CNTNAP3B: variants seen among roughly 807,000 people sequenced by gnomAD.
The protein encoded by CNTNAP3B is contactin-associated protein-like 3B.
A neutral mutation model predicts 108.9 loss-of-function variants in CNTNAP3B; 25 were observed. The observed-to-expected ratio is 0.23, with a 90% CI of 0.17 to 0.32. CNTNAP3B has a LOEUF of 0.32. Among genes scored for constraint, CNTNAP3B ranks in the 10% least tolerant of loss-of-function variants. The probability of loss-of-function intolerance (pLI) is 1.00; values close to 1 mark genes in which losing one functional copy is unlikely to be tolerated. For missense variants in CNTNAP3B, 252 were observed against 1,210.4 expected, an observed-to-expected ratio of 0.21 and a Z score of 11.75; for synonymous variants, 103 against 473.4, an observed-to-expected ratio of 0.22 and a Z score of 10.16.
At chr9:42,054,559 A>ACAG (rs1164359512) in intron 3 of CNTNAP3B, among the ~76,000 whole-genome samples, 5 of 151,726 alleles carry the variant, frequency 3.3e-5, no homozygotes, top group Non-Finnish European at 7.4e-5. Flanking sequence ...TATTTTAGAA[A>ACAG]CAGCACTCAG....
In CNTNAP3B at chr9:41,953,278, C is replaced by T. The variant is rs748638894; in HGVS notation, c.1985G>A (p.Gly662Asp). The change falls in exon 13 of 24, where the codon GGC becomes GAC. Residue 662 changes from glycine (G) to aspartate (D), a missense_variant. Coordinates refer to ENST00000377561, the MANE Select transcript of CNTNAP3B (RefSeq NM_001201380.3). Reference protein sequence around the residue: ...LSAVSFAYAAGAGQLRAAVNL... With the variant: ...LSAVSFAYAADAGQLRAAVNL... ...CACCGCGGCCCGCAGCTGCCCCGCG[C>T]CCGCTGCGTACGCGAAGGACACAGC... is the stretch of plus-strand genomic sequence containing the variant. 2 of 1,528,716 alleles carry T rather than the reference C, an allele frequency of 1.3e-6. No homozygotes were observed. The highest frequency in any genetic ancestry group is 1.7e-6 in the Non-Finnish European group (2 of 1,145,870). 94.7% of individuals were successfully genotyped at this position (1,528,716 alleles called of 1,614,324 possible). A position where few individuals can be genotyped will look rare whatever the true frequency, so the allele number is the denominator to read the frequency against.
chr9:42,119,756 A>G (rs976836751), intron 1 of CNTNAP3B, among the ~76,000 whole-genome samples: 8 of 140,590 alleles, frequency 5.7e-5, no homozygotes, highest in African/African-American at 2.2e-4. Flanking sequence ...TGGTGCTGGG[A>G]AAACTGGCTA....
chr9:41,932,873 T>C (rs1160299982), intron 14 of CNTNAP3B, among the ~76,000 whole-genome samples: 2 of 152,274 alleles, frequency 1.3e-5, no homozygotes, highest in South Asian at 2.1e-4. Context: ...ATCATTATGA[T>C]CCACATCTAA....
chr9:42,056,996 G>A (rs989056275), intron 3 of CNTNAP3B, among the ~76,000 whole-genome samples: 2 of 27,036 alleles, frequency 7.4e-5, no homozygotes, highest in Admixed American at 4.8e-4. Flanking sequence ...CTACTTTGAC[G>A]CAAGGAATAG....
intron 16 of CNTNAP3B, among the ~76,000 whole-genome samples, chr9:41,923,483 T>C (rs1433433744): frequency 6.6e-6 from 1 of 152,244 alleles, no homozygotes; most frequent in African/African-American, 2.4e-5. Context: ...GATTACTGGC[T>C]GGGTGTGGCA....
chr9:42,125,934 T>A (rs1215713266), intron 1 of CNTNAP3B, among the ~76,000 whole-genome samples: 2 of 132,642 alleles, frequency 1.5e-5, no homozygotes, highest in Non-Finnish European at 3.2e-5. Context: ...CCATTTTTTA[T>A]AGAGTACCAT....
intron 15 of CNTNAP3B, among the ~76,000 whole-genome samples, chr9:41,925,257 G>C (rs1246150160): frequency 6.7e-6 from 1 of 150,016 alleles, no homozygotes; most frequent in African/African-American, 2.5e-5. Flanking sequence ...TCTAAGCTCT[G>C]TCATTCCTTC....
At chr9:41,962,986 A>G (rs1347376146) in intron 11 of CNTNAP3B, among the ~76,000 whole-genome samples, 1 of 151,678 alleles carries the variant, frequency 6.6e-6, no homozygotes, top group African/African-American at 2.4e-5. Flanking sequence ...CAAAAAAAAG[A>G]AAATGTGTCA....
At position 41,991,148 on chromosome 9, in the gene CNTNAP3B, G is replaced by C. The variant is rs1389103424; in HGVS notation, c.1333+462C>G. ...CATCAACGAAAGAATAAGAACTCTT[G>C]GTATTTGCCGGGCATCTTTCCCTGT... On this transcript the variant is annotated intron_variant, in intron 8 of 23. Transcript: ENST00000377561. Among the ~76,000 whole-genome samples, 2 of 119,140 alleles carry C rather than the reference G, an allele frequency of 1.7e-5. 1 individual carries two copies. Among genetic ancestry groups the C allele is most frequent in the African/African-American group, 6.8e-5 (2 of 29,496 alleles). The allele number at this position is 119,140 out of a possible 152,430, so 78.2% of individuals were successfully genotyped here.
At chr9:42,112,436 C>T (rs1828212343) in intron 1 of CNTNAP3B, among the ~76,000 whole-genome samples, 1 of 138,904 alleles carries the variant, frequency 7.2e-6, no homozygotes, top group Non-Finnish European at 1.5e-5. Context: ...AACCTCACTC[C>T]TGAGAAAGGA....
At chr9:41,950,277 A>G (rs922067418) in intron 13 of CNTNAP3B, among the ~76,000 whole-genome samples, 3 of 79,926 alleles carry the variant, frequency 3.8e-5, no homozygotes, top group Admixed American at 2.9e-4. Flanking sequence ...AAATGAAATC[A>G]TACACTGTTG....
At chr9:41,969,680 C>T (rs1310595919) in intron 10 of CNTNAP3B, among the ~76,000 whole-genome samples, 2 of 151,688 alleles carry the variant, frequency 1.3e-5, no homozygotes, top group African/African-American at 2.4e-5. Context: ...TGCAGTGGCG[C>T]GATCTCTGCT....
chr9:41,969,737 C>G, intron 10 of CNTNAP3B, among the ~76,000 whole-genome samples: 1 of 146,364 alleles, frequency 6.8e-6, no homozygotes, highest in South Asian at 2.2e-4. Flanking sequence ...CCTGCCTCAG[C>G]CTCCCCAGTA....
chr9:41,964,111 T>A (rs1472553077), intron 11 of CNTNAP3B, among the ~76,000 whole-genome samples: 1 of 152,308 alleles, frequency 6.6e-6, no homozygotes, highest in Non-Finnish European at 1.5e-5. Flanking sequence ...TGTTAAAAAA[T>A]CTTTAAATAC....
At chr9:42,122,550 G>A (rs1587290033) in intron 1 of CNTNAP3B, among the ~76,000 whole-genome samples, 1 of 130,454 alleles carries the variant, frequency 7.7e-6, no homozygotes, top group African/African-American at 3.1e-5. Context: ...TATTTGAACA[G>A]CTATATAATA....
intron 12 of CNTNAP3B, among the ~76,000 whole-genome samples, chr9:41,959,124 G>A (rs1824971725): frequency 1.4e-5 from 2 of 145,464 alleles, no homozygotes; most frequent in Admixed American, 1.4e-4. Context: ...GGTTTGTTCT[G>A]TGACCTCACT....
At position 42,049,376 on chromosome 9, in the gene CNTNAP3B, A is replaced by G. The variant is rs1490838899; in HGVS notation, c.390+27493T>C. Among the ~76,000 whole-genome samples, 2 of 138,078 alleles carry G rather than the reference A, an allele frequency of 1.4e-5. 1 individual carries two copies. Among genetic ancestry groups the G allele is most frequent in the Non-Finnish European group, 3.1e-5 (2 of 64,642 alleles). The allele number at this position is 138,078 out of a possible 152,430, so 90.6% of individuals were successfully genotyped here. A position where few individuals can be genotyped will look rare whatever the true frequency, so the allele number is the denominator to read the frequency against. Reference sequence around the variant, plus strand: ...CTAACTGTCCTCTCCACATTGCCCAAACAGCATGGTACCTTTTTTTCCAGA... The same window carrying G: ...CTAACTGTCCTCTCCACATTGCCCAGACAGCATGGTACCTTTTTTTCCAGA... On this transcript the variant is annotated intron_variant, in intron 3 of 23. Coordinates refer to ENST00000377561, the MANE Select transcript of CNTNAP3B (RefSeq NM_001201380.3).
At chr9:41,958,480 G>A (rs1393864803) in intron 12 of CNTNAP3B, among the ~76,000 whole-genome samples, 1 of 151,854 alleles carries the variant, frequency 6.6e-6, no homozygotes, top group Non-Finnish European at 1.5e-5. Flanking sequence ...AAAAGTAACT[G>A]TAACTGCTGT....
chr9:41,929,715 G>A (rs1472825950), intron 14 of CNTNAP3B, among the ~76,000 whole-genome samples: 1 of 135,436 alleles, frequency 7.4e-6, no homozygotes, highest in Admixed American at 7.3e-5. Flanking sequence ...AGCAGCCACA[G>A]ACACAGGCAT....
Sources: gnomAD v4.1 joint callset for allele counts (sites outside exome capture counted in the v4.1 genomes callset) on GRCh38, gnomAD v4.1.1 for gene constraint, MANE v1.5 for transcripts, NCBI Gene and HGNC (gene_info 2026-07-23, HGNC 2026-07-21) for gene names.